ATP6V1C2: variants seen among roughly 807,000 people sequenced by gnomAD.
ATP6V1C2 encodes V-type proton ATPase subunit C 2.
ATP6V1C2 carries 45 observed loss-of-function variants against 56.8 expected under a neutral mutation model. The observed-to-expected ratio is 0.79, with a 90% confidence interval of 0.62 to 1.02. The LOEUF (loss-of-function observed/expected upper bound fraction) is 1.02, where lower values mean the gene tolerates loss of function less well. Ranked by LOEUF, ATP6V1C2 falls within the 50% of genes least tolerant of loss-of-function variation. ATP6V1C2 has a pLI of 0.00. For missense variants in ATP6V1C2, 463 were observed against 519.7 expected (o/e 0.89, Z 1.06); for synonymous variants, 220 against 201.3 (o/e 1.09, Z -0.79).
At chr2:10,745,332 C>G (rs1345321872) in intron 3 of ATP6V1C2, among the ~76,000 whole-genome samples, 2 of 150,364 alleles carry the variant, frequency 1.3e-5, no homozygotes, top group East Asian at 3.9e-4. Flanking sequence ...GCCACTGTGC[C>G]CAGCCTATTT....
At chr2:10,769,211 C>G (rs1025201618) in intron 6 of ATP6V1C2, among the ~76,000 whole-genome samples, 6 of 152,230 alleles carry the variant, frequency 3.9e-5, no homozygotes, top group Admixed American at 3.3e-4. Flanking sequence ...GGCTCTGTGG[C>G]CCAGAGCAGA....
chr2:10,734,206 G>A (rs774100560), intron 3 of ATP6V1C2, among the ~76,000 whole-genome samples: 7 of 151,984 alleles, frequency 4.6e-5, no homozygotes, highest in Non-Finnish European at 7.4e-5. Context: ...TTTCCATGGC[G>A]GCTGTTCCAA....
chr2:10,772,852 C>T (rs1664715031), intron 8 of ATP6V1C2, among the ~76,000 whole-genome samples: 1 of 151,774 alleles, frequency 6.6e-6, no homozygotes, highest in African/African-American at 2.4e-5. Context: ...CCTGGCCCCA[C>T]CTGGCCGAGC....
At chr2:10,772,013 AG>A in intron 7 of ATP6V1C2, 76 bp downstream of exon 7, 3 of 1,304,564 alleles carry the variant, frequency 2.3e-6, no homozygotes, top group Non-Finnish European at 3.3e-6. Context: ...TGACTTGGGC[AG>A]TGTGGACGAG....
chr2:10,761,150 C>T (rs1663882584), intron 4 of ATP6V1C2, among the ~76,000 whole-genome samples: 1 of 152,116 alleles, frequency 6.6e-6, no homozygotes, highest in African/African-American at 2.4e-5. Context: ...TGTTGAAGGA[C>T]AGAGGTACTG....
intron 10 of ATP6V1C2, among the ~76,000 whole-genome samples, chr2:10,776,326 C>T (rs1664981425): frequency 6.6e-6 from 1 of 152,084 alleles, no homozygotes; most frequent in African/African-American, 2.4e-5. Flanking sequence ...CCTGTGTGTG[C>T]ACAGCAAGTG....
At chr2:10,742,577 A>G (rs891314387) in intron 3 of ATP6V1C2, among the ~76,000 whole-genome samples, 1 of 152,062 alleles carries the variant, frequency 6.6e-6, no homozygotes, top group African/African-American at 2.4e-5. Flanking sequence ...TCCTCTCCCC[A>G]TACCCCTGGA....
intron 4 of ATP6V1C2, 123 bp from the exon 5 acceptor site, chr2:10,764,208 C>A: frequency 2.5e-6 from 2 of 806,638 alleles, no homozygotes; most frequent in Admixed American, 2.1e-5. Flanking sequence ...TGTGCCTGCC[C>A]GCCGGCGTTG....
chr2:10,748,344 T>C (rs748196547), intron 3 of ATP6V1C2, among the ~76,000 whole-genome samples: 3 of 152,234 alleles, frequency 2.0e-5, no homozygotes, highest in Non-Finnish European at 4.4e-5. Flanking sequence ...GTTGTTTTCC[T>C]CAGTGCGTTG....
intron 1 of ATP6V1C2, 63 bp downstream of exon 1, chr2:10,721,794 T>A (rs1661374917): frequency 6.6e-6 from 1 of 151,720 alleles, no homozygotes; most frequent in Admixed American, 6.6e-5. Flanking sequence ...AGGCACGGGG[T>A]CCGGCTGCGC....
Position 10,728,092 on chromosome 2 carries a change from G to GT in ATP6V1C2, c.197+1529dup, listed in dbSNP as rs556791406. 1.8e-3 allele frequency among the ~76,000 whole-genome samples: 276 copies of GT among 152,130 alleles called. 1 individual carries two copies. Among genetic ancestry groups the GT allele is most frequent in the Non-Finnish European group, 2.7e-3 (184 of 68,004 alleles). On this transcript the variant is annotated intron_variant, in intron 3 of 13. Coordinates refer to ENST00000272238, the MANE Select transcript of ATP6V1C2 (RefSeq NM_001039362.2). ...TTCATGTATTTGTTTACTTATTTGT[G>GT]TTTTTTGCAGACAGGGTCTGGCTCT...
chr2:10,744,046 G>A (rs528839896), intron 3 of ATP6V1C2: 7 of 152,072 alleles, frequency 4.6e-5, no homozygotes, highest in African/African-American at 1.7e-4. Flanking sequence ...ACCAGGCATG[G>A]TGGTGTGTGC....
intron 12 of ATP6V1C2, among the ~76,000 whole-genome samples, chr2:10,779,398 C>T (rs1364620754): frequency 4.2e-4 from 59 of 139,034 alleles, no homozygotes; most frequent in African/African-American, 1.4e-3. Flanking sequence ...CGCGAGCCAC[C>T]ATGCCCGGCC....
chr2:10,744,777 T>C (rs1403506390), intron 3 of ATP6V1C2, among the ~76,000 whole-genome samples: 5 of 149,906 alleles, frequency 3.3e-5, no homozygotes, highest in Non-Finnish European at 7.4e-5. Flanking sequence ...CAAGCAATTC[T>C]CCTGCCTCTG....
intron 1 of ATP6V1C2, 38 bp downstream of exon 1, chr2:10,721,769 G>A (rs1011762344): frequency 4.6e-5 from 7 of 152,086 alleles, no homozygotes; most frequent in Admixed American, 2.6e-4. Context: ...CGAGGCAGGG[G>A]CGGGGTGGGG....
chr2:10,760,725 CAA>C (rs902857937), intron 4 of ATP6V1C2, among the ~76,000 whole-genome samples: 7 of 152,190 alleles, frequency 4.6e-5, no homozygotes, highest in African/African-American at 9.7e-5. Flanking sequence ...TCTTTGGAAA[CAA>C]AGACCAAGCT....
In ATP6V1C2 at chr2:10,739,854, G is replaced by C. The variant is rs537059473; in HGVS notation, c.197+13285G>C. Among the ~76,000 whole-genome samples the C allele has an allele frequency of 1.0e-3, 152 of 152,086 alleles. 2 individuals are homozygous for C. The highest frequency in any genetic ancestry group is 3.4e-3 in the African/African-American group (142 of 41,484). On this transcript the variant is annotated intron_variant, in intron 3 of 13. Transcript: ENST00000272238. ...GTGGCTCATGCCTGTAATCCCAGCA[G>C]TTTAGGAGGCCGAGGCGGGCGGATC...
intron 3 of ATP6V1C2, among the ~76,000 whole-genome samples, chr2:10,733,867 C>A (rs1367466650): frequency 1.3e-5 from 2 of 152,178 alleles, no homozygotes; most frequent in Non-Finnish European, 2.9e-5. Context: ...TATGGAATAG[C>A]TGCTGGCTTC....
upstream of ATP6V1C2, among the ~76,000 whole-genome samples, chr2:10,721,130 C>A (rs1661335241): frequency 1.3e-5 from 2 of 152,184 alleles, no homozygotes; most frequent in Admixed American, 6.5e-5. Flanking sequence ...GCTGTCTACG[C>A]AGGTGCGTCC....
Sources: gnomAD v4.1 joint callset for allele counts (sites outside exome capture counted in the v4.1 genomes callset) on GRCh38, gnomAD v4.1.1 for gene constraint, MANE v1.5 for transcripts, NCBI Gene and HGNC (gene_info 2026-07-23, HGNC 2026-07-21) for gene names.